Variants in KIRREL1 observed in about 807,000 individuals in gnomAD.
KIRREL1 encodes kirre like nephrin family adhesion molecule 1.
A neutral mutation model predicts 83.3 loss-of-function variants in KIRREL1; 25 were observed. The ratio of observed to expected loss-of-function variants is 0.30; its 90% CI spans 0.22 to 0.42. KIRREL1 has a LOEUF of 0.42. Among genes scored for constraint, KIRREL1 ranks in the 10% least tolerant of loss-of-function variants. KIRREL1 has a pLI of 1.00. For synonymous variants in KIRREL1, 388 were observed against 410.4 expected (o/e 0.95, Z 0.66); for missense variants, 812 against 1,032.3 (o/e 0.79, Z 2.92).
At position 158,093,633 on chromosome 1, in the gene KIRREL1, C is replaced by T. The variant is rs751975665; in HGVS notation, c.1590C>T (p.Asp530=). Residue 530 remains aspartate (D), a synonymous_variant, in exon 13 of 15, where the codon GAC becomes GAT. Transcript: ENST00000359209. ...LYRRRKGSRK[D]VTLRKLDIKV... ...CCTCTCCCGTCCCAGGTCGCAAAGA[C>T]GTGACCCTGAGGAAGCTGGATATCA... 42 of 1,614,056 alleles carry T rather than the reference C, an allele frequency of 2.6e-5. No individual in the cohort carries two copies. The Admixed American group carries it at 3.8e-4, about 15-fold the overall frequency.
chr1:158,047,779 C>T (rs1036835950), intron 1 of KIRREL1, among the ~76,000 whole-genome samples: 1 of 152,156 alleles, frequency 6.6e-6, no homozygotes, highest in Non-Finnish European at 1.5e-5. Flanking sequence ...AACACACCCT[C>T]CCAGAGCTGT....
intron 1 of KIRREL1, among the ~76,000 whole-genome samples, chr1:158,019,797 A>G (rs1033907638): frequency 6.6e-6 from 1 of 152,054 alleles, no homozygotes; most frequent in Non-Finnish European, 1.5e-5. Context: ...TTCCCTTGCA[A>G]TTTTAAAGCT....
At chr1:158,010,512 G>C (rs1204532885) in intron 1 of KIRREL1, among the ~76,000 whole-genome samples, 1 of 151,622 alleles carries the variant, frequency 6.6e-6, no homozygotes, top group Admixed American at 6.6e-5. Context: ...TGGACCAACG[G>C]TGTGGGTGCT....
intron 1 of KIRREL1, among the ~76,000 whole-genome samples, chr1:158,033,139 C>T (rs751933821): frequency 6.6e-6 from 1 of 152,076 alleles, no homozygotes; most frequent in Non-Finnish European, 1.5e-5. Flanking sequence ...TGCAATGGCG[C>T]GATCTTGCTG....
At chr1:158,052,988 A>G (rs1660950516) in intron 1 of KIRREL1, among the ~76,000 whole-genome samples, 1 of 152,260 alleles carries the variant, frequency 6.6e-6, no homozygotes, top group East Asian at 1.9e-4. Flanking sequence ...GTGAACTAAC[A>G]GAGAGAGAAC....
chr1:158,068,925 C>T (rs1661431097), intron 1 of KIRREL1, among the ~76,000 whole-genome samples: 1 of 152,146 alleles, frequency 6.6e-6, no homozygotes, highest in African/African-American at 2.4e-5. Context: ...TCAGAGGCTT[C>T]CCTTTGAACC....
intron 1 of KIRREL1, among the ~76,000 whole-genome samples, chr1:158,074,914 C>T (rs1448442698): frequency 6.6e-6 from 1 of 152,158 alleles, no homozygotes; most frequent in Non-Finnish European, 1.5e-5. Context: ...TCTGCAGATT[C>T]ATGAGCTGTG....
chr1:158,035,353 A>C (rs1660447557), intron 1 of KIRREL1, among the ~76,000 whole-genome samples: 1 of 152,208 alleles, frequency 6.6e-6, no homozygotes, highest in Non-Finnish European at 1.5e-5. Context: ...GCCTGACAGC[A>C]AGGACTGCAG....
chr1:158,034,155 C>T (rs1301934040), intron 1 of KIRREL1, among the ~76,000 whole-genome samples: 2 of 151,626 alleles, frequency 1.3e-5, no homozygotes, highest in Non-Finnish European at 2.9e-5. Flanking sequence ...CGCCTGTAAT[C>T]CCAGCTACTC....
At chr1:158,052,819 G>A (rs965064604) in intron 1 of KIRREL1, among the ~76,000 whole-genome samples, 7 of 152,056 alleles carry the variant, frequency 4.6e-5, no homozygotes, top group Admixed American at 1.3e-4. Flanking sequence ...TTTGGCTCAC[G>A]GTTCTGCAGG....
intron 1 of KIRREL1, among the ~76,000 whole-genome samples, chr1:158,062,728 A>T (rs1466768233): frequency 2.6e-5 from 4 of 152,232 alleles, no homozygotes; most frequent in African/African-American, 7.2e-5. Flanking sequence ...TACAAAACAC[A>T]CTGACATCAC....
intron 1 of KIRREL1, among the ~76,000 whole-genome samples, chr1:158,056,785 G>A (rs950933305): frequency 2.6e-5 from 4 of 152,172 alleles, no homozygotes; most frequent in Admixed American, 6.5e-5. Flanking sequence ...CTGGCTGGGC[G>A]GGGGTGCTGG....
intron 1 of KIRREL1, among the ~76,000 whole-genome samples, chr1:158,050,269 G>C (rs1160321811): frequency 1.3e-5 from 2 of 152,170 alleles, no homozygotes; most frequent in East Asian, 3.9e-4. Flanking sequence ...CCCCATCCCA[G>C]AGTTCTGCAG....
chr1:158,074,115 C>T (rs1405826405), intron 1 of KIRREL1, among the ~76,000 whole-genome samples: 1 of 152,190 alleles, frequency 6.6e-6, no homozygotes, highest in Admixed American at 6.5e-5. Flanking sequence ...TGGCTGCTCA[C>T]CTGACCCACC....
chr1:158,003,958 A>G (rs1481548821), intron 1 of KIRREL1, among the ~76,000 whole-genome samples: 1 of 152,194 alleles, frequency 6.6e-6, no homozygotes, highest in Non-Finnish European at 1.5e-5. Context: ...CTTTGGTTTC[A>G]TGCCAGGGTC....
At chr1:158,044,171 C>A (rs994698604) in intron 1 of KIRREL1, among the ~76,000 whole-genome samples, 1 of 152,190 alleles carries the variant, frequency 6.6e-6, no homozygotes, top group Non-Finnish European at 1.5e-5. Context: ...GCAATCTCTG[C>A]AAGGCATGGT....
At chr1:158,006,093 A>G (rs1258747344) in intron 1 of KIRREL1, among the ~76,000 whole-genome samples, 1 of 152,234 alleles carries the variant, frequency 6.6e-6, no homozygotes, top group Non-Finnish European at 1.5e-5. Context: ...CGAGATCAAT[A>G]GATTGGGCTT....
At chr1:158,075,192 G>C (rs1296785937) in intron 1 of KIRREL1, among the ~76,000 whole-genome samples, 1 of 152,128 alleles carries the variant, frequency 6.6e-6, no homozygotes, top group Non-Finnish European at 1.5e-5. Flanking sequence ...TGGTGGGGGA[G>C]AAAAAACCCG....
At chr1:158,011,916 C>G (rs7532120) in intron 1 of KIRREL1, among the ~76,000 whole-genome samples, 12,764 of 152,072 alleles carry the variant, frequency 0.084, 587 homozygotes, top group African/African-American at 0.12. Context: ...TCCCCCAGCT[C>G]TTCCCCCTCA....
Sources: gnomAD v4.1 joint callset for allele counts (sites outside exome capture counted in the v4.1 genomes callset) on GRCh38, gnomAD v4.1.1 for gene constraint, MANE v1.5 for transcripts, NCBI Gene and HGNC (gene_info 2026-07-23, HGNC 2026-07-21) for gene names.